The following CATSPERG variants were observed in gnomAD, a reference collection of about 807,000 sequenced individuals.
The protein encoded by CATSPERG is cation channel sperm-associated auxiliary subunit gamma.
A neutral mutation model predicts 145.0 loss-of-function variants in CATSPERG; 115 were observed. The ratio of observed to expected loss-of-function variants is 0.79; its 90% confidence interval spans 0.68 to 0.93. CATSPERG has a LOEUF of 0.93. Among genes scored for constraint, CATSPERG ranks in the 40% least tolerant of loss-of-function variants. CATSPERG has a pLI of 0.00. For synonymous variants in CATSPERG, 588 were observed against 589.0 expected, an observed-to-expected ratio of 1.00 and a Z score of 0.02; for missense variants, 1,296 against 1,490.1, an observed-to-expected ratio of 0.87 and a Z score of 2.14.
intron 19 of CATSPERG, 37 bp downstream of exon 19, chr19:38,362,611 G>T: frequency 6.2e-7 from 1 of 1,611,526 alleles, no homozygotes; most frequent in Non-Finnish European, 8.5e-7. Context: ...GAAGGGCGGG[G>T]CGAGGGCTAC....
In CATSPERG at chr19:38,367,724, C is replaced by T. The variant is rs562170593; in HGVS notation, c.2878C>T (p.Leu960Phe). ...VVGGGPTLDS[L>F]KDYSEDEIYR... ...GGGTGGCGGGCCCACACTGGACAGC[C>T]TCAAGGACTACAGTGAGGACGAAAT... Residue 960 changes from leucine to phenylalanine, a missense_variant, in exon 25 of 29, where the codon CTC becomes TTC. Transcript: ENST00000409235. The T allele has an allele frequency of 2.5e-6, 4 of 1,614,124 alleles. No homozygotes were observed. The highest frequency in any genetic ancestry group is 1.1e-5 in the South Asian group (1 of 91,086).
rs147978307 is a variant in CATSPERG at position 38,345,983 on chromosome 19, C to T, written c.670-467C>T. ...CTAGTGGGGGAGACAGATGGCAAAC[C>T]GGCAAACTGGTAATGTGAAAATCAA... On this transcript the variant is annotated intron_variant, in intron 6 of 28. Transcript: ENST00000409235. Among the ~76,000 whole-genome samples, 192 of 152,252 alleles carry T rather than the reference C, an allele frequency of 1.3e-3. 1 individual carries two copies. In the East Asian group the frequency reaches 0.031, roughly 25 times the overall value.
At chr19:38,368,001 C>T (rs1207585084) in intron 25 of CATSPERG, 47 bp from the exon 26 acceptor site, 3 of 1,573,570 alleles carry the variant, frequency 1.9e-6, no homozygotes, top group African/African-American at 1.3e-5. Flanking sequence ...CATACCTCCC[C>T]TACACCGCCC....
intron 3 of CATSPERG, 64 bp from the exon 4 acceptor site, chr19:38,343,516 C>G: frequency 6.9e-7 from 1 of 1,444,730 alleles, no homozygotes; most frequent in East Asian, 2.5e-5. Flanking sequence ...TAGAGGCGGG[C>G]TTAAGGCAGG....
rs757406696 is a variant in CATSPERG, at chr19:38,365,095, C to G, written c.2591C>G (p.Thr864Arg). ...VGSSGLCFQE[T>R]HLGPHMQGNL... ...TCATCCGGGCTCTGCTTCCAGGAAA[C>G]ACACCTGGGGCCCCATATGCAAGTA... The change falls in exon 22 of 29, where the codon ACA (threonine) becomes AGA (arginine). Residue 864 changes from threonine (T) to arginine (R), a missense_variant. Coordinates refer to ENST00000409235, the MANE Select transcript of CATSPERG (RefSeq NM_021185.5). The G allele has an allele frequency of 1.9e-6, 3 of 1,613,804 alleles. No homozygotes were observed. The South Asian group carries it at 3.3e-5, about 18-fold the overall frequency.
intron 7 of CATSPERG, among the ~76,000 whole-genome samples, chr19:38,347,131 A>C (rs573345381): frequency 6.6e-6 from 1 of 152,268 alleles, no homozygotes; most frequent in Admixed American, 6.5e-5. Context: ...GGATTGCTTG[A>C]GCCTGGGACT....
chr19:38,356,987 G>C, intron 11 of CATSPERG, 126 bp downstream of exon 11: 1 of 1,227,472 alleles, frequency 8.1e-7, no homozygotes, highest in Non-Finnish European at 1.1e-6. Context: ...TGTCACTCCT[G>C]GTTGAGGAGT....
At chr19:38,369,557 G>T in intron 26 of CATSPERG, 1 of 288,276 alleles carries the variant, frequency 3.5e-6, no homozygotes, top group Non-Finnish European at 6.9e-6. Context: ...CACTATGCCT[G>T]GCCTAACCTG....
chr19:38,360,712 C>T lies in CATSPERG; in HGVS notation c.1768-19C>T, dbSNP rs1970329917. On this transcript the variant is annotated intron_variant, in intron 15 of 28. Coordinates refer to ENST00000409235, the MANE Select transcript of CATSPERG (RefSeq NM_021185.5). ...GGAGGGCTGACCCCAGCTCACCTGG[C>T]CCTGCCTTCCCCCTGCAGCTGGTGT... 7 of 1,613,708 alleles carry T rather than the reference C, an allele frequency of 4.3e-6. No individual in the cohort carries two copies. Among genetic ancestry groups the T allele is most frequent in the Admixed American group, 1.7e-5 (1 of 60,010 alleles).
intron 11 of CATSPERG, among the ~76,000 whole-genome samples, chr19:38,357,907 A>G (rs1970273682): frequency 6.6e-6 from 1 of 152,012 alleles, no homozygotes. Context: ...AGCTGAGATC[A>G]TGCCATTGCA....
Position 38,370,173 on chromosome 19 carries a change from G to T in CATSPERG, c.3128G>T (p.Ser1043Ile). ...VLVSNRGVDT[S>I]TYCNYQLTFL... is the part of the protein sequence containing the mutation. ...AACCCCTGCAGAGGAGTGGACACGA[G>T]CACCTACTGCAACTACCAGCTCACC... The change falls in exon 28 of 29, where the codon AGC (serine) becomes ATC (isoleucine). Residue 1043 changes from serine (S) to isoleucine (I), a missense_variant. By Grantham distance (142) the Ser-to-Ile change is moderately radical (BLOSUM62 -2). Coordinates refer to ENST00000409235, the MANE Select transcript of CATSPERG (RefSeq NM_021185.5). 1 of 1,613,848 alleles carries T rather than the reference G, an allele frequency of 6.2e-7. No individual in the cohort carries two copies. The highest frequency in any genetic ancestry group is 8.5e-7 in the Non-Finnish European group (1 of 1,180,010).
At chr19:38,355,518 G>A (rs930599474) in intron 9 of CATSPERG, among the ~76,000 whole-genome samples, 1 of 152,026 alleles carries the variant, frequency 6.6e-6, no homozygotes, top group Non-Finnish European at 1.5e-5. Flanking sequence ...CCAACATGGC[G>A]AAACCCCATC....
chr19:38,336,005 GT>G, intron 1 of CATSPERG, 130 bp downstream of exon 1: 1 of 302,190 alleles, frequency 3.3e-6, no homozygotes. Context: ...GGGAAGAGTC[GT>G]GGGAGCTGGG....
chr19:38,369,132 A>C (rs906197189), intron 26 of CATSPERG, among the ~76,000 whole-genome samples: 2 of 152,240 alleles, frequency 1.3e-5, no homozygotes, highest in Non-Finnish European at 2.9e-5. Flanking sequence ...CAATGGAGAA[A>C]CAAATTCATA....
chr19:38,361,771 G>A lies in CATSPERG; in HGVS notation c.2004G>A (p.Leu668=), dbSNP rs1236609622. ...ACCGGGCGCGGCCGCCGCGCGTCCT[G>A]GAGCGCTCGGGCTTCCACAACGAGA... ...ERYRARPPRV[L]ERSGFHNENS... Residue 668 remains leucine (L), a synonymous_variant, in exon 17 of 29, where the codon CTG becomes CTA. Coordinates refer to ENST00000409235, the MANE Select transcript of CATSPERG (RefSeq NM_021185.5). 26 of 1,613,014 alleles carry A rather than the reference G, an allele frequency of 1.6e-5. No homozygotes were observed. Among genetic ancestry groups the A allele is most frequent in the Non-Finnish European group, 2.0e-5 (24 of 1,179,662 alleles).
At chr19:38,356,265 G>C (rs568850354) in intron 9 of CATSPERG, among the ~76,000 whole-genome samples, 1 of 152,194 alleles carries the variant, frequency 6.6e-6, no homozygotes, top group East Asian at 1.9e-4. Flanking sequence ...GCCCACCGTG[G>C]GTCACATGGC....
At position 38,356,729 on chromosome 19, in the gene CATSPERG, C is replaced by T. The variant is rs754342478; in HGVS notation, c.1196-13C>T. The T allele has an allele frequency of 6.8e-5, 110 of 1,613,724 alleles. No individual in the cohort carries two copies. Among genetic ancestry groups the T allele is most frequent in the Non-Finnish European group, 9.2e-5 (108 of 1,179,884 alleles). On this transcript the variant is annotated splice_polypyrimidine_tract_variant and intron_variant, in intron 10 of 28. Coordinates refer to ENST00000409235, the MANE Select transcript of CATSPERG (RefSeq NM_021185.5). Reference sequence around the variant, plus strand: ...GCCCTGGGGCGGCTCTGGACTGCCCCTTTCCCTCTCAGTTACCACCTGCTC... The same window carrying T: ...GCCCTGGGGCGGCTCTGGACTGCCCTTTTCCCTCTCAGTTACCACCTGCTC...
At chr19:38,342,237 A>AAATC (rs910945957) in intron 3 of CATSPERG, among the ~76,000 whole-genome samples, 1 of 151,670 alleles carries the variant, frequency 6.6e-6, no homozygotes, top group African/African-American at 2.4e-5. Context: ...ATAAATAAAT[A>AAATC]AATAAATAAA....
rs1298693794 is a variant in CATSPERG at position 38,362,506 on chromosome 19, G to C, written c.2288G>C (p.Gly763Ala). Residue 763 changes from glycine (G) to alanine (A), a missense_variant, in exon 19 of 29, where the codon GGC (glycine) becomes GCC (alanine). Physicochemically the swap from Gly to Ala is moderately conservative, Grantham distance 60. Transcript: ENST00000409235. ...ELPERIFLDK[G>A]TEYSFAIFLS... Reference sequence around the variant, plus strand: ...CCGGAGCGCATTTTCCTGGACAAGGGCACTGAGTACAGCTTCGCCATCTTC... The same window carrying C: ...CCGGAGCGCATTTTCCTGGACAAGGCCACTGAGTACAGCTTCGCCATCTTC... The C allele has an allele frequency of 6.2e-7, 1 of 1,613,916 alleles. No homozygotes were observed. The highest frequency in any genetic ancestry group is 2.2e-5 in the East Asian group (1 of 44,890).
Sources: allele counts gnomAD v4.1 joint callset (sites outside exome capture counted in the v4.1 genomes callset), GRCh38; gene constraint gnomAD v4.1.1; transcripts MANE v1.5; gene names NCBI Gene and HGNC (gene_info 2026-07-23, HGNC 2026-07-21).